Variants in CAB39 observed in about 807,000 individuals in gnomAD.
The protein encoded by CAB39 is calcium binding protein 39, also known as calcium-binding protein 39.
A neutral mutation model predicts 40.0 loss-of-function variants in CAB39; 8 were observed. That is an observed-to-expected ratio of 0.20 (90% CI 0.12 to 0.36). The LOEUF (loss-of-function observed/expected upper bound fraction) is 0.36, where lower values mean the gene tolerates loss of function less well. Among genes scored for constraint, CAB39 ranks in the 10% least tolerant of loss-of-function variants. The pLI, the probability that CAB39 is intolerant of heterozygous loss-of-function variation, is 1.00. For missense variants in CAB39, 270 were observed against 401.1 expected (o/e 0.67, Z 2.79); for synonymous variants, 156 against 141.6 (o/e 1.10, Z -0.72).
intron 1 of CAB39, among the ~76,000 whole-genome samples, chr2:230,751,821 A>T (rs1443689479): frequency 6.6e-6 from 1 of 152,128 alleles, no homozygotes; most frequent in Non-Finnish European, 1.5e-5. Context: ...CAAAGCAAGT[A>T]ATAAAAAGGA....
chr2:230,820,016 C>T lies in CAB39; in HGVS notation c.*1312C>T, dbSNP rs1024409014. 6 of 152,448 alleles carry T rather than the reference C, an allele frequency of 3.9e-5. No individual in the cohort carries two copies. Among genetic ancestry groups the T allele is most frequent in the Non-Finnish European group, 7.4e-5 (5 of 68,010 alleles). 9.4% of individuals were successfully genotyped at this position (152,448 alleles called of 1,614,324 possible). ...GGGGAAATTTATTTTTTTTAATGTC[C>T]TGTTCCTTAATGCTGCAAATTATCA... On this transcript the variant is annotated 3_prime_UTR_variant, in exon 9 of 9. Coordinates refer to ENST00000258418, the MANE Select transcript of CAB39 (RefSeq NM_016289.4).
intron 1 of CAB39, among the ~76,000 whole-genome samples, chr2:230,731,345 C>T (rs940809256): frequency 6.6e-6 from 1 of 152,070 alleles, no homozygotes; most frequent in Non-Finnish European, 1.5e-5. Context: ...CCGTATATAG[C>T]CAGGTTGTTA....
chr2:230,748,799 T>A, intron 1 of CAB39, among the ~76,000 whole-genome samples: 1 of 113,796 alleles, frequency 8.8e-6, no homozygotes, highest in African/African-American at 3.2e-5. Context: ...AGAGTGAGAT[T>A]CTATTTCCAA....
chr2:230,790,503 C>G (rs1463278147), intron 2 of CAB39, among the ~76,000 whole-genome samples: 2 of 152,216 alleles, frequency 1.3e-5, no homozygotes, highest in Admixed American at 6.5e-5. Flanking sequence ...TCCATACTTG[C>G]TTGTCAGAAT....
chr2:230,720,700 G>T (rs974461086), intron 1 of CAB39, among the ~76,000 whole-genome samples: 2 of 152,176 alleles, frequency 1.3e-5, no homozygotes, highest in South Asian at 2.1e-4. Context: ...GGTTACAGGC[G>T]TGAGCCACCG....
rs1694275138 is a variant in CAB39, at chr2:230,713,038, G to A, written c.-236G>A. ...CGGCGGCAGCCGCGGGAGCCCCTGG[G>A]CAGCCGTCCGCCCGCGCAGCCGCCG... On this transcript the variant is annotated 5_prime_UTR_variant, in exon 1 of 9. Transcript: ENST00000258418. 1 of 150,754 alleles carries A rather than the reference G, an allele frequency of 6.6e-6. No individual in the cohort carries two copies. Among genetic ancestry groups the A allele is most frequent in the African/African-American group, 2.4e-5 (1 of 41,260 alleles). The allele number at this position is 150,754 out of a possible 1,614,324, so 9.3% of individuals were successfully genotyped here. A position where few individuals can be genotyped will look rare whatever the true frequency, so the allele number is the denominator to read the frequency against.
At chr2:230,755,528 G>C (rs1695173592) in intron 1 of CAB39, among the ~76,000 whole-genome samples, 1 of 152,164 alleles carries the variant, frequency 6.6e-6, no homozygotes, top group African/African-American at 2.4e-5. Flanking sequence ...GTTTGTTGTA[G>C]ATTCTGGGTG....
intron 6 of CAB39, among the ~76,000 whole-genome samples, chr2:230,812,835 A>G (rs1229057469): frequency 6.6e-6 from 1 of 152,226 alleles, no homozygotes; most frequent in Non-Finnish European, 1.5e-5. Context: ...CTGTTGTTCT[A>G]TGAAAGCAGC....
chr2:230,809,531 C>T (rs956971163), intron 5 of CAB39, among the ~76,000 whole-genome samples: 1 of 152,154 alleles, frequency 6.6e-6, no homozygotes. Context: ...CTTCTAGGTC[C>T]TTGAAGGCAG....
chr2:230,735,545 CT>C (rs1264140740), intron 1 of CAB39, among the ~76,000 whole-genome samples: 1 of 138,944 alleles, frequency 7.2e-6, no homozygotes, highest in Non-Finnish European at 1.6e-5. Flanking sequence ...ACAGAGTCTC[CT>C]TCTGTCACCC....
At chr2:230,754,238 C>T (rs1241766413) in intron 1 of CAB39, among the ~76,000 whole-genome samples, 2 of 152,110 alleles carry the variant, frequency 1.3e-5, no homozygotes. Context: ...GGTTTTGGTG[C>T]ACCCATCACC....
At chr2:230,760,467 C>T (rs373161100) in intron 2 of CAB39, among the ~76,000 whole-genome samples, 17 of 152,212 alleles carry the variant, frequency 1.1e-4, no homozygotes, top group African/African-American at 3.4e-4. Flanking sequence ...ATCTTTCCGC[C>T]TCTGCCTCCC....
chr2:230,815,460 G>A, intron 7 of CAB39, among the ~76,000 whole-genome samples: 1 of 152,208 alleles, frequency 6.6e-6, no homozygotes, highest in East Asian at 1.9e-4. Context: ...TCAAAGGGCT[G>A]AGGTATACTA....
At chr2:230,783,753 T>A (rs147108061) in intron 2 of CAB39, among the ~76,000 whole-genome samples, 49 of 152,236 alleles carry the variant, frequency 3.2e-4, no homozygotes, top group African/African-American at 1.2e-3. Flanking sequence ...CCATCTGCCT[T>A]GGCCTCCCAA....
chr2:230,733,802 C>G (rs1694737100), intron 1 of CAB39, among the ~76,000 whole-genome samples: 1 of 152,162 alleles, frequency 6.6e-6, no homozygotes, highest in Admixed American at 6.5e-5. Flanking sequence ...AAGGGAAATA[C>G]CAGGAGTTTC....
intron 1 of CAB39, among the ~76,000 whole-genome samples, chr2:230,744,756 T>C (rs1461224175): frequency 6.6e-6 from 1 of 152,274 alleles, no homozygotes; most frequent in Non-Finnish European, 1.5e-5. Flanking sequence ...CATGGTACAC[T>C]GAAATCACCA....
intron 2 of CAB39, among the ~76,000 whole-genome samples, chr2:230,770,315 A>G (rs887594576): frequency 1.3e-5 from 2 of 152,218 alleles, no homozygotes; most frequent in Non-Finnish European, 2.9e-5. Context: ...AGATTGTACA[A>G]GTTAATAGGG....
At chr2:230,801,827 C>G (rs1056404960) in intron 5 of CAB39, among the ~76,000 whole-genome samples, 15 of 151,572 alleles carry the variant, frequency 9.9e-5, no homozygotes, top group African/African-American at 3.7e-4. Context: ...CGAGATCACT[C>G]CACTGCACTC....
intron 1 of CAB39, among the ~76,000 whole-genome samples, chr2:230,716,291 ATTACC>A (rs994957214): frequency 6.6e-6 from 1 of 152,168 alleles, no homozygotes; most frequent in African/African-American, 2.4e-5. Context: ...CAGGGTCTTT[ATTACC>A]TTGGAATATT....
Sources: allele counts gnomAD v4.1 joint callset (sites outside exome capture counted in the v4.1 genomes callset), GRCh38; gene constraint gnomAD v4.1.1; transcripts MANE v1.5; gene names NCBI Gene and HGNC (gene_info 2026-07-23, HGNC 2026-07-21).